TDRD9: variants seen among roughly 807,000 people sequenced by gnomAD.
TDRD9 encodes tudor domain containing 9.
In TDRD9, 124 loss-of-function variants were observed where a neutral mutation model predicts 172.6. The observed-to-expected ratio is 0.72, with a 90% CI of 0.62 to 0.83. The LOEUF (loss-of-function observed/expected upper bound fraction) is 0.83, where lower values mean the gene tolerates loss of function less well. Among genes scored for constraint, TDRD9 ranks in the 40% least tolerant of loss-of-function variants. The probability of loss-of-function intolerance (pLI) is 0.00; values close to 1 mark genes in which losing one functional copy is unlikely to be tolerated. For missense variants in TDRD9, 1,479 were observed against 1,714.1 expected, an observed-to-expected ratio of 0.86 and a Z score of 2.42; for synonymous variants, 619 against 617.1, an observed-to-expected ratio of 1.00 and a Z score of -0.05.
chr14:103,963,263 A>T, intron 3 of TDRD9, 87 bp downstream of exon 3: 1 of 972,526 alleles, frequency 1.0e-6, no homozygotes, highest in Non-Finnish European at 1.5e-6. Flanking sequence ...GAAAGTTACC[A>T]GTTGCCAGGT....
intron 19 of TDRD9, 66 bp downstream of exon 19, chr14:104,007,270 G>C (rs953240655): frequency 6.7e-7 from 1 of 1,497,224 alleles, no homozygotes; most frequent in Non-Finnish European, 9.3e-7. Context: ...CTCTGTCTTG[G>C]TACAGTCATA....
At chr14:104,045,846 G>C (rs1456141498) in intron 34 of TDRD9, among the ~76,000 whole-genome samples, 1 of 152,234 alleles carries the variant, frequency 6.6e-6, no homozygotes, top group Non-Finnish European at 1.5e-5. Context: ...AGGTGCTAGA[G>C]CCATGCTCCC....
intron 1 of TDRD9, among the ~76,000 whole-genome samples, chr14:103,943,654 A>T (rs941378219): frequency 6.6e-6 from 1 of 151,844 alleles, no homozygotes; most frequent in Non-Finnish European, 1.5e-5. Context: ...GGCCTGTGCT[A>T]ATTTCCTATG....
chr14:104,011,043 G>A (rs763738287), intron 20 of TDRD9, among the ~76,000 whole-genome samples: 2 of 152,176 alleles, frequency 1.3e-5, no homozygotes, highest in Non-Finnish European at 2.9e-5. Context: ...TAAACGTGTT[G>A]CCCTACAACA....
intron 4 of TDRD9, 150 bp from the exon 5 acceptor site, chr14:103,966,559 G>T: frequency 1.3e-6 from 1 of 765,572 alleles, no homozygotes; most frequent in Non-Finnish European, 1.9e-6. Flanking sequence ...GAAAATAATT[G>T]ACTTGAGAAT....
In TDRD9 at chr14:104,005,312, A is replaced by T. The variant is rs761368542; in HGVS notation, c.1620A>T (p.Leu540Phe). 1.2e-5 allele frequency: 20 copies of T among 1,613,854 alleles called. No homozygotes were observed. The highest frequency in any genetic ancestry group is 1.6e-5 in the Non-Finnish European group (19 of 1,179,878). ...PLGSTILKVK[L>F]LDMGEPRALL... Reference sequence around the variant, plus strand: ...GAAGCACGATCTTGAAAGTGAAATTACTTGACATGGGTGAGCCGAGAGCTC... The same window carrying T: ...GAAGCACGATCTTGAAAGTGAAATTTCTTGACATGGGTGAGCCGAGAGCTC... The change falls in exon 15 of 36, where the codon TTA becomes TTT. Residue 540 changes from leucine (L) to phenylalanine (F), a missense_variant. This residue lies in a region of TDRD9 where 1,413 missense variants were observed against 1,649.1 expected (regional missense o/e 0.86). Transcript: ENST00000409874.
At chr14:103,956,787 C>T (rs982853892) in intron 2 of TDRD9, among the ~76,000 whole-genome samples, 1 of 152,018 alleles carries the variant, frequency 6.6e-6, no homozygotes, top group Non-Finnish European at 1.5e-5. Context: ...CAGAGTTCAC[C>T]GTTAGTTACT....
At chr14:103,984,040 C>T (rs954231731) in intron 7 of TDRD9, among the ~76,000 whole-genome samples, 17 of 152,054 alleles carry the variant, frequency 1.1e-4, no homozygotes, top group African/African-American at 2.9e-4. Context: ...TGAACTTGAA[C>T]GAGATGATTT....
Position 104,034,989 on chromosome 14 carries a change from C to G in TDRD9, c.3649C>G (p.Leu1217Val). 6.4e-7 allele frequency: 1 copy of G among 1,551,804 alleles called. No homozygotes were observed. Among genetic ancestry groups the G allele is most frequent in the Non-Finnish European group, 8.7e-7 (1 of 1,146,986 alleles). The change falls in exon 32 of 36, where the codon CTG becomes GTG. Residue 1217 changes from leucine (L) to valine (V), a missense_variant. Around this residue, in one of 3 missense-constraint regions of TDRD9, gnomAD observed 1,413 missense variants for 1,649.1 expected, o/e 0.86. Transcript: ENST00000409874. The part of the protein sequence containing the change: ...GSTMLLRETS[L>V]MPHIPGLPAL... ...TACGATGCTGCTGAGAGAAACCTCTCTGATGCCTCATATCCCTGGCCTCCC... is the reference window on the plus strand; with the variant it reads ...TACGATGCTGCTGAGAGAAACCTCTGTGATGCCTCATATCCCTGGCCTCCC...
intron 34 of TDRD9, among the ~76,000 whole-genome samples, chr14:104,043,955 G>C (rs976504596): frequency 2.6e-5 from 4 of 152,180 alleles, no homozygotes; most frequent in African/African-American, 9.7e-5. Context: ...ACAGCCTGTG[G>C]GGGGCTCGTC....
At chr14:103,992,073 A>G (rs2033890259) in intron 9 of TDRD9, among the ~76,000 whole-genome samples, 1 of 152,230 alleles carries the variant, frequency 6.6e-6, no homozygotes, top group Non-Finnish European at 1.5e-5. Context: ...ATAGTAAAAC[A>G]CACTGTTATT....
intron 14 of TDRD9, 82 bp from the exon 15 acceptor site, chr14:104,005,192 C>A: frequency 2.1e-6 from 3 of 1,441,652 alleles, no homozygotes; most frequent in Non-Finnish European, 1.9e-6. Flanking sequence ...CCTCCTCTTT[C>A]CCTCTGAAGC....
chr14:104,042,290 C>T, intron 34 of TDRD9, 103 bp downstream of exon 34: 1 of 785,174 alleles, frequency 1.3e-6, no homozygotes, highest in Non-Finnish European at 2.1e-6. Context: ...ACATATTGAT[C>T]ACCTGAAGTG....
At chr14:103,941,660 GT>G in intron 1 of TDRD9, 1 of 1,527,968 alleles carries the variant, frequency 6.5e-7, no homozygotes. Context: ...TGTAGGAATC[GT>G]TTTTGGGCCA....
Position 103,963,173 on chromosome 14 carries a change from A to G in TDRD9, c.417A>G (p.Glu139=). The change falls in exon 3 of 36, where the codon GAA becomes GAG. Residue 139 remains glutamate (E), a synonymous_variant. Coordinates refer to ENST00000409874, the MANE Select transcript of TDRD9 (RefSeq NM_153046.3). ...ATTTGCCTATAAGTCGATACAAGGA[A>G]GAGGTAAAATTGTTTTGTTATACTG... ...YPDLPISRYK[E]EVVSLIESNS... 6.5e-7 allele frequency: 1 copy of G among 1,545,108 alleles called. No individual in the cohort carries two copies. The highest frequency in any genetic ancestry group is 2.5e-5 in the East Asian group (1 of 40,782).
intron 1 of TDRD9, among the ~76,000 whole-genome samples, chr14:103,943,287 C>T (rs1566727718): frequency 6.6e-6 from 1 of 151,826 alleles, no homozygotes. Context: ...CATGCCACCA[C>T]AGGTGCATGC....
Position 104,023,184 on chromosome 14 carries a change from C to CAAAAAAAAAAA in TDRD9, c.2606+874_2606+884dup, listed in dbSNP as rs10661391. Among the ~76,000 whole-genome samples, 35 of 64,456 alleles carry CAAAAAAAAAAA rather than the reference C, an allele frequency of 5.4e-4. 4 individuals are homozygous for CAAAAAAAAAAA. The highest frequency in any genetic ancestry group is 2.2e-3 in the African/African-American group (30 of 13,928). The allele number at this position is 64,456 out of a possible 152,430, so 42.3% of individuals were successfully genotyped here. A position where few individuals can be genotyped will look rare whatever the true frequency, so the allele number is the denominator to read the frequency against. ...TGGGCGACAGAGCGAGACTCCGTCTCAAAAAAAAAAAAAAAAAAAAAAAAA... is the reference window on the plus strand; with the variant it reads ...TGGGCGACAGAGCGAGACTCCGTCTCAAAAAAAAAAAAAAAAAAAAAAAAAAAAAAAAAAAA... On this transcript the variant is annotated intron_variant, in intron 24 of 35. Transcript: ENST00000409874.
At chr14:104,034,493 G>A (rs9944163) in intron 31 of TDRD9, among the ~76,000 whole-genome samples, 1 of 152,046 alleles carries the variant, frequency 6.6e-6, no homozygotes, top group Non-Finnish European at 1.5e-5. Flanking sequence ...CCCAGCTTAC[G>A]TGCTGTTCTT....
At chr14:103,956,136 ATATATATATATAT>A (rs2032222065) in intron 2 of TDRD9, among the ~76,000 whole-genome samples, 3 of 109,224 alleles carry the variant, frequency 2.7e-5, no homozygotes, top group African/African-American at 8.4e-5. Context: ...ATATATATAT[ATATATATATATAT>A]AATTATTAGG....
Sources: gnomAD v4.1 joint callset for allele counts (sites outside exome capture counted in the v4.1 genomes callset) on GRCh38, gnomAD v4.1.1 for gene constraint, gnomAD v4.1.1 regional missense constraint, MANE v1.5 for transcripts, NCBI Gene and HGNC (gene_info 2026-07-23, HGNC 2026-07-21) for gene names.